The following IL1RAPL2 variants were observed in gnomAD, a reference collection of about 807,000 sequenced individuals.
IL1RAPL2 encodes interleukin 1 receptor accessory protein like 2.
A neutral mutation model predicts 44.1 loss-of-function variants in IL1RAPL2; 3 were observed. The ratio of observed to expected loss-of-function variants is 0.07; its 90% CI spans 0.03 to 0.18. The LOEUF (loss-of-function observed/expected upper bound fraction) is 0.18, where lower values mean the gene tolerates loss of function less well. Among genes scored for constraint, IL1RAPL2 ranks in the 10% least tolerant of loss-of-function variants. The pLI is 1.00. For synonymous variants in IL1RAPL2, 181 were observed against 178.8 expected (o/e 1.01, Z -0.10); for missense variants, 391 against 496.4 (o/e 0.79, Z 2.02).
rs1179440792 is a variant in IL1RAPL2, at chrX:104,816,872, T to C, written c.82+157877T>C. 2.7e-5 allele frequency among the ~76,000 whole-genome samples: 3 copies of C among 112,571 alleles called. 1 individual carries two copies. Among genetic ancestry groups the C allele is most frequent in the South Asian group, 7.3e-4 (2 of 2,735 alleles). On this transcript the variant is annotated intron_variant, in intron 2 of 10. Coordinates refer to ENST00000372582, the MANE Select transcript of IL1RAPL2 (RefSeq NM_017416.2). ...TAATTGCATCACAGGGAGATTTTCA[T>C]TGAAGGTTGTTTCCCTAAGTAACTT...
At chrX:105,255,460 T>C (rs746712075) in intron 4 of IL1RAPL2, among the ~76,000 whole-genome samples, 1 of 112,180 alleles carries the variant, frequency 8.9e-6, no homozygotes, top group African/African-American at 3.2e-5. Context: ...AGCAATCCCA[T>C]TACTGGGTAT....
intron 1 of IL1RAPL2, among the ~76,000 whole-genome samples, chrX:104,582,514 T>C (rs996730337): frequency 5.3e-4 from 56 of 105,949 alleles, no homozygotes; most frequent in African/African-American, 1.7e-3. Context: ...CTCTCTCTCT[T>C]TCTTTCTTTT....
At chrX:105,398,431 G>T (rs1428856549) in intron 5 of IL1RAPL2, among the ~76,000 whole-genome samples, 3 of 111,064 alleles carry the variant, frequency 2.7e-5, no homozygotes, top group African/African-American at 9.8e-5. Flanking sequence ...ACAGGTTGAA[G>T]CAGGGTAAGT....
rs1424001204 is a variant in IL1RAPL2 at position 105,767,749 on chromosome X, TAAA to T, written c.*92_*94del. ...TAAAGTACACCTAATAACGTTGTGT[TAAA>T]AAAGTGTTTGAAGAAAAAGGTACAA... On this transcript the variant is annotated 3_prime_UTR_variant, in exon 11 of 11. Transcript: ENST00000372582. The T allele has an allele frequency of 2.9e-6, 2 of 684,452 alleles. No homozygotes were observed. The highest frequency in any genetic ancestry group is 4.4e-6 in the Non-Finnish European group (2 of 455,082). 56.4% of individuals were successfully genotyped at this position (684,452 alleles called of 1,213,427 possible). A position where few individuals can be genotyped will look rare whatever the true frequency, so the allele number is the denominator to read the frequency against.
chrX:104,910,463 C>T (rs1924200448), intron 2 of IL1RAPL2, among the ~76,000 whole-genome samples: 2 of 111,820 alleles, frequency 1.8e-5, no homozygotes, highest in Non-Finnish European at 3.8e-5. Flanking sequence ...TGGCTTGCTG[C>T]ACCCATCAAC....
At chrX:105,073,966 A>G (rs1284288599) in intron 2 of IL1RAPL2, among the ~76,000 whole-genome samples, 2 of 111,606 alleles carry the variant, frequency 1.8e-5, no homozygotes, top group East Asian at 2.8e-4. Context: ...AGTAGGTTGC[A>G]AAAATTCTCT....
intron 5 of IL1RAPL2, among the ~76,000 whole-genome samples, chrX:105,450,905 C>CAAGT (rs1472572853): frequency 1.2e-5 from 1 of 85,316 alleles, no homozygotes; most frequent in African/African-American, 9.0e-5. Flanking sequence ...GTCTTAGGTC[C>CAAGT]GAGTGTGTGT....
chrX:105,197,752 G>A (rs1172836491), intron 3 of IL1RAPL2, among the ~76,000 whole-genome samples: 1 of 110,485 alleles, frequency 9.1e-6, no homozygotes. Flanking sequence ...CAAGTCAACT[G>A]ATAGCTTTTT....
intron 2 of IL1RAPL2, among the ~76,000 whole-genome samples, chrX:104,664,896 A>G (rs1930462751): frequency 9.0e-6 from 1 of 111,269 alleles, no homozygotes; most frequent in Non-Finnish European, 1.9e-5. Context: ...AAGTTATACA[A>G]AATAGTTTTA....
rs187942372 is a variant in IL1RAPL2 at position 104,805,241 on chromosome X, T to G, written c.82+146246T>G. 8.0e-5 allele frequency among the ~76,000 whole-genome samples: 9 copies of G among 111,814 alleles called. No individual in the cohort carries two copies. The Admixed American group carries it at 8.6e-4, about 11-fold the overall frequency. On this transcript the variant is annotated intron_variant, in intron 2 of 10. Transcript: ENST00000372582. ...CACATGTTAATGCCTAGTGTTCCAT[T>G]ATTGGAACGCTAAGCATGTGGGAAT...
At chrX:104,723,203 G>C (rs1931718278) in intron 2 of IL1RAPL2, among the ~76,000 whole-genome samples, 1 of 111,559 alleles carries the variant, frequency 9.0e-6, no homozygotes, top group Non-Finnish European at 1.9e-5. Context: ...AAAACTGCTA[G>C]ATTGAGTCTT....
At chrX:105,298,097 C>A (rs766765681) in intron 5 of IL1RAPL2, among the ~76,000 whole-genome samples, 1 of 111,088 alleles carries the variant, frequency 9.0e-6, no homozygotes, top group East Asian at 2.8e-4. Flanking sequence ...AGCCAATTAA[C>A]ATATCCATCA....
At chrX:105,014,453 T>C (rs1413406349) in intron 2 of IL1RAPL2, among the ~76,000 whole-genome samples, 3 of 110,835 alleles carry the variant, frequency 2.7e-5, no homozygotes, top group Non-Finnish European at 3.8e-5. Flanking sequence ...CCTAATGCTA[T>C]CCCTCCCCTA....
chrX:104,910,952 A>G (rs1217825224), intron 2 of IL1RAPL2, among the ~76,000 whole-genome samples: 1 of 112,343 alleles, frequency 8.9e-6, no homozygotes, highest in East Asian at 2.8e-4. Context: ...ATGAAAAGGT[A>G]ATATGATAGA....
chrX:105,137,533 G>T (rs778905844), intron 2 of IL1RAPL2, among the ~76,000 whole-genome samples: 2 of 111,651 alleles, frequency 1.8e-5, no homozygotes, highest in South Asian at 7.5e-4. Flanking sequence ...ATCACAAACA[G>T]GTATATATTT....
At chrX:104,985,545 G>A (rs2030546395) in intron 2 of IL1RAPL2, among the ~76,000 whole-genome samples, 2 of 111,979 alleles carry the variant, frequency 1.8e-5, no homozygotes, top group South Asian at 7.5e-4. Flanking sequence ...TCTGGTTATA[G>A]AGGTTATACA....
intron 2 of IL1RAPL2, among the ~76,000 whole-genome samples, chrX:104,707,765 TG>T (rs2147555845): frequency 8.9e-6 from 1 of 111,835 alleles, no homozygotes; most frequent in Non-Finnish European, 1.9e-5. Context: ...AAACATTGTA[TG>T]GGGGTGTTCT....
At chrX:104,799,463 G>A (rs1488542624) in intron 2 of IL1RAPL2, among the ~76,000 whole-genome samples, 1 of 111,098 alleles carries the variant, frequency 9.0e-6, no homozygotes, top group East Asian at 2.8e-4. Context: ...GAGCTTGGCA[G>A]GGGGAGGAGC....
At chrX:104,905,600 GA>G (rs1923965532) in intron 2 of IL1RAPL2, among the ~76,000 whole-genome samples, 1 of 111,642 alleles carries the variant, frequency 9.0e-6, no homozygotes, top group African/African-American at 3.3e-5. Context: ...GTTTGTCAAA[GA>G]TCAGATAGTT....
Sources: gnomAD v4.1 joint callset for allele counts (sites outside exome capture counted in the v4.1 genomes callset) on GRCh38, gnomAD v4.1.1 for gene constraint, MANE v1.5 for transcripts, NCBI Gene and HGNC (gene_info 2026-07-23, HGNC 2026-07-21) for gene names.